The following MARCHF1 variants were observed in gnomAD, a reference collection of about 807,000 sequenced individuals.
MARCHF1 encodes E3 ubiquitin-protein ligase MARCHF1.
A neutral mutation model predicts 54.2 loss-of-function variants in MARCHF1; 40 were observed. The observed-to-expected ratio is 0.74, with a 90% CI of 0.57 to 0.96. The LOEUF is 0.96. Among genes scored for constraint, MARCHF1 ranks in the 40% least tolerant of loss-of-function variants. The pLI is 0.00. For missense variants in MARCHF1, 586 were observed against 656.5 expected (o/e 0.89, Z 1.17); for synonymous variants, 236 against 236.3 (o/e 1.00, Z 0.01).
At chr4:163,847,699 G>C (rs1319559958) in intron 4 of MARCHF1, among the ~76,000 whole-genome samples, 1 of 151,544 alleles carries the variant, frequency 6.6e-6, no homozygotes, top group Non-Finnish European at 1.5e-5. Flanking sequence ...ACCTGCCTCA[G>C]TCTCCCAAGT....
intron 1 of MARCHF1, among the ~76,000 whole-genome samples, chr4:164,352,434 A>G (rs1167498897): frequency 6.9e-6 from 1 of 144,474 alleles, no homozygotes; most frequent in Non-Finnish European, 1.5e-5. Flanking sequence ...CCTACAAGCC[A>G]GAAGAGAGTG....
intron 4 of MARCHF1, among the ~76,000 whole-genome samples, chr4:163,847,997 G>C (rs887863472): frequency 1.3e-5 from 2 of 152,118 alleles, no homozygotes; most frequent in African/African-American, 4.8e-5. Flanking sequence ...GGAGTGTAAT[G>C]CCTAAACTCT....
intron 5 of MARCHF1, among the ~76,000 whole-genome samples, chr4:163,698,059 T>C (rs142106385): frequency 3.8e-4 from 58 of 152,226 alleles, no homozygotes; most frequent in South Asian, 1.7e-3. Context: ...CTGCAAGAGG[T>C]AGATACTAAT....
At chr4:163,622,530 A>G (rs1741726110) in intron 5 of MARCHF1, among the ~76,000 whole-genome samples, 1 of 152,222 alleles carries the variant, frequency 6.6e-6, no homozygotes, top group Non-Finnish European at 1.5e-5. Flanking sequence ...AGAAAATCAC[A>G]TGCTTTCCTT....
chr4:163,723,659 A>G (rs1745553683), intron 4 of MARCHF1, among the ~76,000 whole-genome samples: 1 of 152,170 alleles, frequency 6.6e-6, no homozygotes, highest in South Asian at 2.1e-4. Context: ...TTTCAGGTAC[A>G]CCAAACAGAT....
chr4:163,567,994 T>C lies in MARCHF1; in HGVS notation c.1191+17755A>G, dbSNP rs892261702. Among the ~76,000 whole-genome samples, 4 of 152,148 alleles carry C rather than the reference T, an allele frequency of 2.6e-5. 1 individual carries two copies. In the East Asian group the frequency reaches 7.7e-4, roughly 29 times the overall value. On this transcript the variant is annotated intron_variant, in intron 8 of 9. Coordinates refer to ENST00000514618, the MANE Select transcript of MARCHF1 (RefSeq NM_001394959.1). The stretch of plus-strand genomic sequence containing the variant: ...CAAATATGTTAAATAATCCTCCTGA[T>C]ATTTACCTCCATCTTTTTATATAAT...
chr4:163,962,877 T>C (rs1032571949), intron 3 of MARCHF1, among the ~76,000 whole-genome samples: 1 of 151,900 alleles, frequency 6.6e-6, no homozygotes, highest in Admixed American at 6.6e-5. Flanking sequence ...AAAACTTCAA[T>C]GACTTTTATA....
chr4:164,168,205 G>A (rs1730429523), intron 1 of MARCHF1, among the ~76,000 whole-genome samples: 1 of 149,452 alleles, frequency 6.7e-6, no homozygotes, highest in Admixed American at 6.6e-5. Context: ...GGAAATACAA[G>A]TTAAAACCAC....
chr4:163,955,806 C>T (rs538732905), intron 3 of MARCHF1, among the ~76,000 whole-genome samples: 1 of 152,196 alleles, frequency 6.6e-6, no homozygotes, highest in Non-Finnish European at 1.5e-5. Flanking sequence ...GTGACAGATT[C>T]TTGATGAATG....
intron 2 of MARCHF1, among the ~76,000 whole-genome samples, chr4:164,096,939 T>C (rs1191043282): frequency 6.6e-6 from 1 of 152,118 alleles, no homozygotes; most frequent in East Asian, 1.9e-4. Context: ...CACTGAAGCC[T>C]TTACAGCAAG....
At chr4:163,579,610 A>C (rs757662968) in intron 8 of MARCHF1, among the ~76,000 whole-genome samples, 2 of 152,242 alleles carry the variant, frequency 1.3e-5, no homozygotes, top group Non-Finnish European at 2.9e-5. Context: ...GTTTGAAAAC[A>C]AAATCATTTC....
chr4:163,839,782 A>G (rs1015428665), intron 4 of MARCHF1, among the ~76,000 whole-genome samples: 1 of 152,112 alleles, frequency 6.6e-6, no homozygotes, highest in Non-Finnish European at 1.5e-5. Flanking sequence ...AATGTTCCAG[A>G]TTTAGATTAT....
At chr4:163,969,583 T>C (rs1752509792) in intron 3 of MARCHF1, among the ~76,000 whole-genome samples, 1 of 152,216 alleles carries the variant, frequency 6.6e-6, no homozygotes, top group Non-Finnish European at 1.5e-5. Flanking sequence ...TGTTCATCCT[T>C]CCATTATTTA....
chr4:164,304,888 G>A (rs754105095), intron 1 of MARCHF1, among the ~76,000 whole-genome samples: 9 of 152,128 alleles, frequency 5.9e-5, no homozygotes, highest in Admixed American at 5.2e-4. Context: ...AGAAGGAAGC[G>A]AAGTATAGTA....
At chr4:163,938,948 G>T (rs999339652) in intron 3 of MARCHF1, among the ~76,000 whole-genome samples, 4 of 152,116 alleles carry the variant, frequency 2.6e-5, no homozygotes, top group Non-Finnish European at 4.4e-5. Flanking sequence ...GACATGTGGG[G>T]ATTATTACAA....
chr4:163,918,793 A>T (rs1472177159), intron 3 of MARCHF1, among the ~76,000 whole-genome samples: 1 of 152,112 alleles, frequency 6.6e-6, no homozygotes, highest in African/African-American at 2.4e-5. Flanking sequence ...TAGGAGCAAA[A>T]AAAATGCATT....
intron 1 of MARCHF1, among the ~76,000 whole-genome samples, chr4:164,142,825 T>C (rs1238157110): frequency 6.6e-6 from 1 of 152,118 alleles, no homozygotes; most frequent in Non-Finnish European, 1.5e-5. Flanking sequence ...GGACGGAGAA[T>C]GACTTTGACG....
chr4:163,602,385 C>A (rs1220412376), intron 7 of MARCHF1, among the ~76,000 whole-genome samples: 1 of 152,018 alleles, frequency 6.6e-6, no homozygotes, highest in Non-Finnish European at 1.5e-5. Flanking sequence ...ATTTGCAAAG[C>A]ACATATCATT....
chr4:163,825,079 C>T (rs367778925), intron 4 of MARCHF1, among the ~76,000 whole-genome samples: 1 of 151,996 alleles, frequency 6.6e-6, no homozygotes, highest in African/African-American at 2.4e-5. Context: ...TATCAAAATA[C>T]CAGTTTTTTG....
Sources: gnomAD v4.1 joint callset for allele counts (sites outside exome capture counted in the v4.1 genomes callset) on GRCh38, gnomAD v4.1.1 for gene constraint, MANE v1.5 for transcripts, NCBI Gene and HGNC (gene_info 2026-07-23, HGNC 2026-07-21) for gene names.